Variants in SLFN5 observed in about 807,000 individuals in gnomAD.
SLFN5 encodes schlafen family member 5.
SLFN5 carries 34 observed loss-of-function variants against 48.5 expected under a neutral mutation model. That is an observed-to-expected ratio of 0.70 (90% confidence interval 0.53 to 0.93). The LOEUF (loss-of-function observed/expected upper bound fraction) is 0.93, where lower values mean the gene tolerates loss of function less well. Among genes scored for constraint, SLFN5 ranks in the 40% least tolerant of loss-of-function variants. SLFN5 has a pLI of 0.00. For missense variants in SLFN5, 1,006 were observed against 1,071.3 expected (o/e 0.94, Z 0.85); for synonymous variants, 387 against 396.2 (o/e 0.98, Z 0.28).
intron 1 of SLFN5, among the ~76,000 whole-genome samples, chr17:35,258,291 CA>C (rs2142697719): frequency 6.6e-6 from 1 of 152,210 alleles, no homozygotes; most frequent in East Asian, 1.9e-4. Context: ...GGAGTCCTGA[CA>C]ATCACGGTGG....
chr17:35,256,009 T>C (rs1028968392), intron 1 of SLFN5, among the ~76,000 whole-genome samples: 1 of 152,252 alleles, frequency 6.6e-6, no homozygotes, highest in Non-Finnish European at 1.5e-5. Flanking sequence ...TCATAATAGA[T>C]GTATTCTGTG....
At chr17:35,247,652 G>A (rs925451956) in intron 1 of SLFN5, among the ~76,000 whole-genome samples, 1 of 152,164 alleles carries the variant, frequency 6.6e-6, no homozygotes, top group Non-Finnish European at 1.5e-5. Flanking sequence ...TGGCACCCTA[G>A]GTGGAATCAG....
chr17:35,264,475 G>A lies in SLFN5; in HGVS notation c.1431G>A (p.Lys477=). Residue 477 remains lysine, a synonymous_variant, in exon 4 of 5, where the codon AAG becomes AAA. Coordinates refer to ENST00000299977, the MANE Select transcript of SLFN5 (RefSeq NM_144975.4). ...SMIVAYSLKQ[K]LVNKGGYTGR... is the part of the protein sequence containing the mutation. ...TAGTTGCCTATTCTTTGAAGCAGAA[G>A]CTGGTGAACAAAGGCGGCTACACTG... The A allele has an allele frequency of 6.2e-7, 1 of 1,614,162 alleles. No homozygotes were observed.
At chr17:35,251,971 C>A (rs2092443619) in intron 1 of SLFN5, among the ~76,000 whole-genome samples, 1 of 152,100 alleles carries the variant, frequency 6.6e-6, no homozygotes. Context: ...ATGAAAAAAT[C>A]TGGTTGAATC....
chr17:35,257,354 G>A (rs979469114), intron 1 of SLFN5, among the ~76,000 whole-genome samples: 3 of 152,068 alleles, frequency 2.0e-5, no homozygotes, highest in Admixed American at 1.3e-4. Context: ...CTGACATGTC[G>A]AAGACTAGGT....
chr17:35,249,432 T>C (rs2092437593), intron 1 of SLFN5, among the ~76,000 whole-genome samples: 1 of 152,196 alleles, frequency 6.6e-6, no homozygotes, highest in African/African-American at 2.4e-5. Context: ...AGTCTGCCTT[T>C]CCCTAAACAC....
rs144756781 is a variant in SLFN5 at position 35,249,551 on chromosome 17, C to T, written c.-41+6408C>T. Reference sequence around the variant, plus strand: ...TGTCCCTTTTGCTCAATCTCTTCCTCTGAGTAAACATACCACACAGGTGGT... The same window carrying T: ...TGTCCCTTTTGCTCAATCTCTTCCTTTGAGTAAACATACCACACAGGTGGT... On this transcript the variant is annotated intron_variant, in intron 1 of 4. Transcript: ENST00000299977. 1.1e-3 allele frequency among the ~76,000 whole-genome samples: 160 copies of T among 152,300 alleles called. 1 individual carries two copies. The highest frequency in any genetic ancestry group is 1.9e-3 in the Non-Finnish European group (132 of 68,018).
chr17:35,252,305 C>T (rs2092444276), intron 1 of SLFN5, among the ~76,000 whole-genome samples: 1 of 152,088 alleles, frequency 6.6e-6, no homozygotes, highest in Non-Finnish European at 1.5e-5. Context: ...GTGGCGCGTT[C>T]TTGTAGTCCT....
Position 35,269,866 on chromosome 17 carries a change from A to G in SLFN5, c.*3978A>G, listed in dbSNP as rs1033520915. On this transcript the variant is annotated 3_prime_UTR_variant, in exon 5 of 5. Transcript: ENST00000299977. The stretch of plus-strand genomic sequence containing the variant: ...ACAAATGTCCATTACAGCAATTAAC[A>G]AAAGTTAGGGAGTGGGGAAGTCTGA... 1.3e-5 allele frequency: 2 copies of G among 152,216 alleles called. No homozygotes were observed. The highest frequency in any genetic ancestry group is 6.5e-5 in the Admixed American group (1 of 15,278). 9.4% of individuals were successfully genotyped at this position (152,216 alleles called of 1,614,324 possible).
chr17:35,243,443 G>A (rs2092423630), intron 1 of SLFN5, among the ~76,000 whole-genome samples: 1 of 152,188 alleles, frequency 6.6e-6, no homozygotes, highest in Non-Finnish European at 1.5e-5. Flanking sequence ...ACCAAACCTG[G>A]CAACATTTCC....
At chr17:35,261,122 G>A (rs368437996) in intron 3 of SLFN5, 26 bp downstream of exon 3, 4 of 1,607,268 alleles carry the variant, frequency 2.5e-6, no homozygotes, top group Admixed American at 3.4e-5. Flanking sequence ...TGGTTGCTTT[G>A]GAATATGTTG....
At chr17:35,248,311 T>C (rs2092435323) in intron 1 of SLFN5, among the ~76,000 whole-genome samples, 1 of 152,206 alleles carries the variant, frequency 6.6e-6, no homozygotes. Flanking sequence ...CGTTTTTTGT[T>C]GGTAGGCAGA....
chr17:35,243,569 A>G (rs960587293), intron 1 of SLFN5, among the ~76,000 whole-genome samples: 4 of 152,218 alleles, frequency 2.6e-5, no homozygotes, highest in African/African-American at 9.6e-5. Flanking sequence ...AGTCTATTAC[A>G]AGAGGCTTTG....
chr17:35,246,607 C>A lies in SLFN5; in HGVS notation c.-41+3464C>A, dbSNP rs377096232. On this transcript the variant is annotated intron_variant, in intron 1 of 4. Transcript: ENST00000299977. Reference sequence around the variant, plus strand: ...CAGTGGCTCATGCCTGTAAACCCAGCACTTTGGGAGGCCGAGGCAGGGAGA... The same window carrying A: ...CAGTGGCTCATGCCTGTAAACCCAGAACTTTGGGAGGCCGAGGCAGGGAGA... Among the ~76,000 whole-genome samples, 12 of 152,160 alleles carry A rather than the reference C, an allele frequency of 7.9e-5. No individual in the cohort carries two copies. The East Asian group carries it at 1.3e-3, about 17-fold the overall frequency.
At chr17:35,246,103 A>T (rs2092430009) in intron 1 of SLFN5, among the ~76,000 whole-genome samples, 1 of 152,224 alleles carries the variant, frequency 6.6e-6, no homozygotes, top group African/African-American at 2.4e-5. Context: ...TGTTGAGCAT[A>T]ATTCAATGTG....
chr17:35,259,762 A>G, intron 2 of SLFN5, 60 bp downstream of exon 2: 1 of 1,554,126 alleles, frequency 6.4e-7, no homozygotes, highest in Non-Finnish European at 8.7e-7. Flanking sequence ...AGGGCGGGTC[A>G]GAGAGGAAAG....
At position 35,264,556 on chromosome 17, in the gene SLFN5, G is replaced by C; in HGVS notation, c.1512G>C (p.Gln504His). The change falls in exon 4 of 5, where the codon CAG becomes CAC. Residue 504 changes from glutamine to histidine, a missense_variant. Gln to His is a conservative substitution (Grantham distance 24). Transcript: ENST00000299977. ...TGCTGAATTCTGATAGAAAAGCACA[G>C]AGCGTTTACAGTTCGTATTTACAAA... ...VCVLNSDRKA[Q>H]SVYSSYLQIY... The C allele has an allele frequency of 6.2e-7, 1 of 1,614,168 alleles. No homozygotes were observed. Among genetic ancestry groups the C allele is most frequent in the Non-Finnish European group, 8.5e-7 (1 of 1,180,038 alleles).
At chr17:35,243,451 TC>T (rs982888794) in intron 1 of SLFN5, among the ~76,000 whole-genome samples, 17 of 152,216 alleles carry the variant, frequency 1.1e-4, no homozygotes, top group African/African-American at 3.9e-4. Flanking sequence ...TGGCAACATT[TC>T]CCCACGGTTC....
chr17:35,251,595 C>A (rs569241288), intron 1 of SLFN5, among the ~76,000 whole-genome samples: 4 of 149,474 alleles, frequency 2.7e-5, no homozygotes, highest in African/African-American at 9.9e-5. Flanking sequence ...TTAGTAGAGA[C>A]GGGGTTTCAC....
Sources: allele counts gnomAD v4.1 joint callset (sites outside exome capture counted in the v4.1 genomes callset), GRCh38; gene constraint gnomAD v4.1.1; transcripts MANE v1.5; gene names NCBI Gene and HGNC (gene_info 2026-07-23, HGNC 2026-07-21).